The following TRMT11 variants were observed in gnomAD, a reference collection of about 807,000 sequenced individuals.
TRMT11 encodes the protein tRNA (guanine(10)-N(2))-methyltransferase TRMT11.
In TRMT11, 53 loss-of-function variants were observed where a neutral mutation model predicts 62.8. The observed-to-expected ratio is 0.84, with a 90% CI of 0.68 to 1.06. The LOEUF (loss-of-function observed/expected upper bound fraction) is 1.06. Among genes scored for constraint, TRMT11 ranks in the 50% least tolerant of loss-of-function variants. The probability of loss-of-function intolerance (pLI) is 0.00; values close to 1 mark genes in which losing one functional copy is unlikely to be tolerated. For synonymous variants in TRMT11, 188 were observed against 190.3 expected (o/e 0.99, Z 0.10); for missense variants, 556 against 553.4 (o/e 1.00, Z -0.05).
intron 12 of TRMT11, among the ~76,000 whole-genome samples, chr6:126,038,373 T>C (rs1775557789): frequency 1.4e-5 from 2 of 146,292 alleles, no homozygotes; most frequent in Non-Finnish European, 3.0e-5. Context: ...TGTGCTGAAC[T>C]GGGAATCAGA....
chr6:126,014,211 A>G (rs937608555), intron 11 of TRMT11, among the ~76,000 whole-genome samples: 2 of 152,154 alleles, frequency 1.3e-5, no homozygotes, highest in African/African-American at 4.8e-5. Context: ...TATTTTTAAT[A>G]CAATTATTTT....
intron 17 of TRMT11, among the ~76,000 whole-genome samples, chr6:126,061,853 C>T (rs1776545026): frequency 6.6e-6 from 1 of 152,124 alleles, no homozygotes; most frequent in South Asian, 2.1e-4. Flanking sequence ...AGACCTGGCT[C>T]TTCAGCTTTT....
chr6:126,033,613 G>A (rs1774624149), intron 12 of TRMT11, among the ~76,000 whole-genome samples: 1 of 152,076 alleles, frequency 6.6e-6, no homozygotes, highest in South Asian at 2.1e-4. Flanking sequence ...AAATGAAATG[G>A]TGTGAATAAA....
intron 1 of TRMT11, among the ~76,000 whole-genome samples, chr6:126,182,395 C>T (rs988960259): frequency 3.3e-5 from 5 of 151,552 alleles, no homozygotes; most frequent in Non-Finnish European, 7.4e-5. Context: ...TCTTGGTGGT[C>T]GTTTCTTCAA....
the TRMT11 span, among the ~76,000 whole-genome samples, chr6:126,267,228 A>C: frequency 6.6e-6 from 1 of 152,194 alleles, no homozygotes; most frequent in Non-Finnish European, 1.5e-5. Flanking sequence ...TAATGCTTTT[A>C]TTTCATGGTC....
At chr6:126,254,611 T>C in the TRMT11 span, among the ~76,000 whole-genome samples, 1 of 152,240 alleles carries the variant, frequency 6.6e-6, no homozygotes, top group Admixed American at 6.5e-5. Flanking sequence ...CATCACTTCT[T>C]TCTTTTCTCA....
chr6:126,138,739 C>T (rs930283022), intron 21 of TRMT11, among the ~76,000 whole-genome samples: 1 of 151,930 alleles, frequency 6.6e-6, no homozygotes, highest in Non-Finnish European at 1.5e-5. Context: ...ATATAAGGGT[C>T]TTTTCTGAAA....
intron 17 of TRMT11, among the ~76,000 whole-genome samples, chr6:126,062,155 CG>C (rs1562311502): frequency 6.6e-6 from 1 of 152,120 alleles, no homozygotes; most frequent in Non-Finnish European, 1.5e-5. Context: ...CAAAGTGCTG[CG>C]ATCACAGGTG....
At chr6:126,131,709 A>G (rs1777785477) in intron 21 of TRMT11, among the ~76,000 whole-genome samples, 1 of 152,026 alleles carries the variant, frequency 6.6e-6, no homozygotes, top group African/African-American at 2.4e-5. Context: ...GTAGCAATTT[A>G]TATAATTTTT....
chr6:126,116,100 C>G (rs1259490629), intron 21 of TRMT11, among the ~76,000 whole-genome samples: 5 of 149,552 alleles, frequency 3.3e-5, no homozygotes, highest in Non-Finnish European at 7.4e-5. Flanking sequence ...CTATTCTTCT[C>G]TCCTTTGACT....
At position 126,038,716 on chromosome 6, in the gene TRMT11, GTA is replaced by G. The variant is rs1775665935; in HGVS notation, c.1274_1275del (p.Tyr425PhefsTer6). ...KVKKFENRDQ[Y>X]SHLLSDHFLP... ...TTCCAACCAAACAGAATCGGGACCAGTATTCACATCTGCTAAGTGATCATTTT... is the reference window on the plus strand; with the variant it reads ...TTCCAACCAAACAGAATCGGGACCAGTTCACATCTGCTAAGTGATCATTTT... On this transcript the variant is annotated frameshift_variant, in exon 13 of 13. Coordinates refer to ENST00000334379, the MANE Select transcript of TRMT11 (RefSeq NM_001031712.3). LOFTEE classifies it high-confidence loss of function. 1.9e-6 allele frequency: 3 copies of G among 1,576,094 alleles called. No individual in the cohort carries two copies. The African/African-American group carries it at 4.2e-5, about 22-fold the overall frequency.
intron 17 of TRMT11, among the ~76,000 whole-genome samples, chr6:126,093,597 A>ATATATATATATG (rs1777300582): frequency 9.8e-5 from 7 of 71,338 alleles, no homozygotes; most frequent in Non-Finnish European, 1.8e-4. Context: ...ATATATATAT[A>ATATATATATATG]TATATATATA....
chr6:126,045,636 G>C (rs1776034122), intron 16 of TRMT11, among the ~76,000 whole-genome samples: 1 of 152,128 alleles, frequency 6.6e-6, no homozygotes, highest in South Asian at 2.1e-4. Context: ...GTTTGGAGAG[G>C]TGTTTCCTCA....
At chr6:126,189,343 C>G (rs1778566561) in intron 1 of TRMT11, among the ~76,000 whole-genome samples, 1 of 152,070 alleles carries the variant, frequency 6.6e-6, no homozygotes, top group Non-Finnish European at 1.5e-5. Flanking sequence ...AATTGCAGCT[C>G]ATATTATTAA....
At chr6:126,124,735 C>T (rs1777694832) in intron 21 of TRMT11, among the ~76,000 whole-genome samples, 1 of 152,082 alleles carries the variant, frequency 6.6e-6, no homozygotes, top group South Asian at 2.1e-4. Context: ...ATCAACCAAC[C>T]AATGTTCCAG....
chr6:126,186,593 G>A (rs558695149), intron 1 of TRMT11, among the ~76,000 whole-genome samples: 5 of 152,054 alleles, frequency 3.3e-5, no homozygotes, highest in African/African-American at 4.8e-5. Flanking sequence ...GAAAATTGCT[G>A]TTTTAATTAT....
chr6:126,243,537 A>G, the TRMT11 span, among the ~76,000 whole-genome samples: 11 of 152,182 alleles, frequency 7.2e-5, no homozygotes, highest in African/African-American at 2.7e-4. Context: ...AACTAACCCA[A>G]ATGTCCAACA....
the TRMT11 span, among the ~76,000 whole-genome samples, chr6:126,257,182 G>A: frequency 1.3e-5 from 2 of 151,832 alleles, no homozygotes; most frequent in Non-Finnish European, 1.5e-5. Context: ...CACTGTGCCC[G>A]GCCTAGCCTG....
intron 17 of TRMT11, among the ~76,000 whole-genome samples, chr6:126,105,134 G>A (rs539332909): frequency 7.9e-5 from 12 of 152,198 alleles, no homozygotes; most frequent in African/African-American, 2.2e-4. Context: ...ATTAGGACCC[G>A]TAAATCATCC....
Sources: allele counts gnomAD v4.1 joint callset (sites outside exome capture counted in the v4.1 genomes callset), GRCh38; gene constraint gnomAD v4.1.1; transcripts MANE v1.5; gene names NCBI Gene and HGNC (gene_info 2026-07-23, HGNC 2026-07-21).